Variants in GABRG3 observed in about 807,000 individuals in gnomAD.
The protein encoded by GABRG3 is gamma-aminobutyric acid type A receptor subunit gamma3, also known as gamma-aminobutyric acid receptor subunit gamma-3.
A neutral mutation model predicts 48.8 loss-of-function variants in GABRG3; 25 were observed. That is an observed-to-expected ratio of 0.51 (90% CI 0.37 to 0.72). The LOEUF is 0.72. Ranked by LOEUF, GABRG3 falls within the 30% of genes least tolerant of loss-of-function variation. The pLI, the probability that GABRG3 is intolerant of heterozygous loss-of-function variation, is 0.00. For missense variants in GABRG3, 394 were observed against 577.9 expected, an observed-to-expected ratio of 0.68 and a Z score of 3.26; for synonymous variants, 227 against 217.6, an observed-to-expected ratio of 1.04 and a Z score of -0.38.
At chr15:27,265,891 T>G (rs1890906031) in intron 3 of GABRG3, among the ~76,000 whole-genome samples, 1 of 149,018 alleles carries the variant, frequency 6.7e-6, no homozygotes, top group Non-Finnish European at 1.5e-5. Context: ...GGTTTTTTTT[T>G]TTTTTTGAGA....
At chr15:27,501,026 A>T (rs1329038574) in intron 6 of GABRG3, among the ~76,000 whole-genome samples, 1 of 138,502 alleles carries the variant, frequency 7.2e-6, no homozygotes, top group Non-Finnish European at 1.5e-5. Flanking sequence ...ATCTCGGCTC[A>T]CTGCAAGCTC....
chr15:27,370,341 G>C (rs747125211), intron 5 of GABRG3, among the ~76,000 whole-genome samples: 34 of 152,176 alleles, frequency 2.2e-4, no homozygotes, highest in Non-Finnish European at 4.0e-4. Context: ...ATGCCAGATG[G>C]CCAGCTAGCC....
chr15:27,035,660 A>G (rs1257058922), intron 3 of GABRG3, among the ~76,000 whole-genome samples: 1 of 152,160 alleles, frequency 6.6e-6, no homozygotes, highest in Non-Finnish European at 1.5e-5. Context: ...CACAGGCCCC[A>G]CTTGCCTAGA....
intron 2 of GABRG3, among the ~76,000 whole-genome samples, chr15:26,990,245 T>C (rs1439305782): frequency 6.6e-6 from 1 of 152,208 alleles, no homozygotes; most frequent in Non-Finnish European, 1.5e-5. Flanking sequence ...CCACCAACAG[T>C]GTACAAGGGT....
intron 3 of GABRG3, among the ~76,000 whole-genome samples, chr15:27,172,799 T>C (rs929696327): frequency 4.6e-5 from 7 of 152,076 alleles, no homozygotes; most frequent in Admixed American, 3.9e-4. Flanking sequence ...CTTCCAGGTA[T>C]CCAGGGTTAT....
At chr15:27,051,870 G>C (rs1255486662) in intron 3 of GABRG3, among the ~76,000 whole-genome samples, 1 of 152,176 alleles carries the variant, frequency 6.6e-6, no homozygotes, top group Non-Finnish European at 1.5e-5. Context: ...GGGGTGATGG[G>C]AGACGTGACA....
intron 2 of GABRG3, among the ~76,000 whole-genome samples, chr15:26,979,486 A>G (rs1425382564): frequency 6.6e-6 from 1 of 152,126 alleles, no homozygotes. Flanking sequence ...GGTATTTTGT[A>G]CATGTTCTTT....
At chr15:27,283,925 C>T (rs1891521497) in intron 3 of GABRG3, among the ~76,000 whole-genome samples, 1 of 152,176 alleles carries the variant, frequency 6.6e-6, no homozygotes, top group Admixed American at 6.5e-5. Flanking sequence ...ATTTCATCTT[C>T]TCCAGAATTA....
intron 2 of GABRG3, among the ~76,000 whole-genome samples, chr15:27,016,908 T>A (rs1463806590): frequency 1.3e-5 from 2 of 152,224 alleles, no homozygotes; most frequent in East Asian, 3.8e-4. Context: ...TAAATTCGCT[T>A]AATGTATTCC....
chr15:27,223,967 T>C (rs1224940955), intron 3 of GABRG3, among the ~76,000 whole-genome samples: 1 of 152,254 alleles, frequency 6.6e-6, no homozygotes, highest in Non-Finnish European at 1.5e-5. Context: ...TATGTCTGCC[T>C]TCCCTTTAGT....
At chr15:27,311,372 T>C (rs1485313562) in intron 3 of GABRG3, among the ~76,000 whole-genome samples, 1 of 152,134 alleles carries the variant, frequency 6.6e-6, no homozygotes, top group African/African-American at 2.4e-5. Flanking sequence ...GGGAAAAAGA[T>C]GGACTATGCA....
At chr15:26,977,522 T>C (rs1208281938) in intron 2 of GABRG3, among the ~76,000 whole-genome samples, 2 of 152,246 alleles carry the variant, frequency 1.3e-5, no homozygotes, top group Non-Finnish European at 2.9e-5. Context: ...CAATTTGTTA[T>C]TTTATTTTTA....
chr15:27,369,909 T>C (rs1408857779), intron 5 of GABRG3, among the ~76,000 whole-genome samples: 1 of 151,878 alleles, frequency 6.6e-6, no homozygotes. Flanking sequence ...TTTTCTCACC[T>C]TGGGGAGGCT....
intron 2 of GABRG3, among the ~76,000 whole-genome samples, chr15:27,020,659 C>T (rs1321341771): frequency 3.3e-5 from 5 of 152,076 alleles, no homozygotes; most frequent in Non-Finnish European, 7.4e-5. Context: ...CCTCGTGATC[C>T]GCCCCCCTCT....
chr15:27,223,412 T>A (rs1484559395), intron 3 of GABRG3, among the ~76,000 whole-genome samples: 1 of 152,152 alleles, frequency 6.6e-6, no homozygotes, highest in Non-Finnish European at 1.5e-5. Flanking sequence ...AGGGTGGATT[T>A]CCTGAGGAAG....
At chr15:27,075,910 T>C (rs1416716373) in intron 3 of GABRG3, among the ~76,000 whole-genome samples, 1 of 152,134 alleles carries the variant, frequency 6.6e-6, no homozygotes, top group Non-Finnish European at 1.5e-5. Context: ...ATGCTATGTG[T>C]CTGTTCTACC....
At chr15:27,258,408 G>A (rs1200042886) in intron 3 of GABRG3, among the ~76,000 whole-genome samples, 1 of 152,060 alleles carries the variant, frequency 6.6e-6, no homozygotes, top group Non-Finnish European at 1.5e-5. Flanking sequence ...TGTAACTCCT[G>A]GTTCTGAGTG....
intron 3 of GABRG3, among the ~76,000 whole-genome samples, chr15:27,105,007 C>T (rs888518862): frequency 1.3e-5 from 2 of 152,032 alleles, no homozygotes; most frequent in Non-Finnish European, 2.9e-5. Context: ...TAAAAAATTT[C>T]GATGACTCAA....
At chr15:27,526,713 A>G (rs762669964) in intron 7 of GABRG3, among the ~76,000 whole-genome samples, 1 of 152,180 alleles carries the variant, frequency 6.6e-6, no homozygotes, top group Non-Finnish European at 1.5e-5. Context: ...ACCCATGCAT[A>G]TAAAATAGTC....
Sources: allele counts gnomAD v4.1 joint callset (sites outside exome capture counted in the v4.1 genomes callset), GRCh38; gene constraint gnomAD v4.1.1; transcripts MANE v1.5; gene names NCBI Gene and HGNC (gene_info 2026-07-23, HGNC 2026-07-21).